The following NOLC1 variants were observed in gnomAD, a reference collection of about 807,000 sequenced individuals.
NOLC1 encodes the protein 140 kDa nucleolar phosphoprotein.
NOLC1 carries 37 observed loss-of-function variants against 73.4 expected under a neutral mutation model. That is an observed-to-expected ratio of 0.50 (90% confidence interval 0.39 to 0.66). The LOEUF (loss-of-function observed/expected upper bound fraction) is 0.66. NOLC1 is among the 30% of genes least tolerant of loss of function. The pLI is 0.00. For missense variants in NOLC1, 921 were observed against 838.9 expected (o/e 1.10, Z -1.21); for synonymous variants, 327 against 302.6 (o/e 1.08, Z -0.84).
intron 1 of NOLC1, among the ~76,000 whole-genome samples, chr10:102,156,397 C>G (rs2069594484): frequency 6.6e-6 from 1 of 151,436 alleles, no homozygotes; most frequent in South Asian, 2.1e-4. Flanking sequence ...CATGAGATAA[C>G]AGGCATAAGC....
In NOLC1 at chr10:102,152,485, C is replaced by T. The variant is rs1366493409; in HGVS notation, c.75C>T (p.Asn25=). The T allele has an allele frequency of 3.7e-6, 6 of 1,613,858 alleles. No individual in the cohort carries two copies. The highest frequency in any genetic ancestry group is 4.2e-6 in the Non-Finnish European group (5 of 1,180,048). ...YPLVLGFLRD[N]QLSEVANKFA... is the part of the protein sequence containing the mutation. ...TCGTGCTCGGCTTCCTGCGCGATAA[C>T]CAACTCTCAGAGGTGGCCAATAAGT... Residue 25 remains asparagine, a synonymous_variant, in exon 1 of 13, where the codon AAC becomes AAT. Transcript: ENST00000605788.
chr10:102,154,049 A>G (rs575084968), intron 1 of NOLC1, among the ~76,000 whole-genome samples: 1 of 148,736 alleles, frequency 6.7e-6, no homozygotes, highest in Non-Finnish European at 1.5e-5. Context: ...GTCAGATGCT[A>G]CGCCCTTCAC....
rs561638129 is a variant in NOLC1 at position 102,161,949 on chromosome 10, C to A, written c.1941+24C>A. On this transcript the variant is annotated intron_variant, in intron 12 of 12. Coordinates refer to ENST00000605788, the MANE Select transcript of NOLC1 (RefSeq NM_004741.5). The stretch of plus-strand genomic sequence containing the variant: ...AGGTGAGAGAGAGATCTGTGCCATT[C>A]TTGGGAGGGAGGATGGGTAGTGTCA... 6.2e-6 allele frequency: 10 copies of A among 1,611,092 alleles called. No homozygotes were observed. In the East Asian group the frequency reaches 1.3e-4, roughly 22 times the overall value.
At chr10:102,152,582 A>G (rs746907163) in intron 1 of NOLC1, 52 bp downstream of exon 1, 4 of 1,609,252 alleles carry the variant, frequency 2.5e-6, no homozygotes, top group Admixed American at 1.7e-5. Context: ...ACAAGGCTTC[A>G]GGCCCTGACG....
At chr10:102,157,352 TTGG>T in intron 3 of NOLC1, 24 bp downstream of exon 3, 1 of 1,613,462 alleles carries the variant, frequency 6.2e-7, no homozygotes, top group Non-Finnish European at 8.5e-7. Context: ...GCAGGTGGGC[TTGG>T]TGGTGCCAGG....
At position 102,159,427 on chromosome 10, in the gene NOLC1, A is replaced by T; in HGVS notation, c.724-6A>T. The T allele has an allele frequency of 6.2e-7, 1 of 1,614,136 alleles. No homozygotes were observed. The highest frequency in any genetic ancestry group is 8.5e-7 in the Non-Finnish European group (1 of 1,180,012). ...CCTGTGGTAATCAATTTTCTTTCTA[A>T]TGCAGACTGTACCTAAAAAGCAAGT... On this transcript the variant is annotated splice_polypyrimidine_tract_variant and splice_region_variant and intron_variant, in intron 6 of 12. Transcript: ENST00000605788.
chr10:102,152,500 G>C lies in NOLC1; in HGVS notation c.90G>C (p.Val30=). 1 of 1,613,878 alleles carries C rather than the reference G, an allele frequency of 6.2e-7. No individual in the cohort carries two copies. The highest frequency in any genetic ancestry group is 8.5e-7 in the Non-Finnish European group (1 of 1,180,042). The part of the protein sequence containing the change: ...GFLRDNQLSE[V]ANKFAKATGA... ...TGCGCGATAACCAACTCTCAGAGGTGGCCAATAAGTTCGCCAAAGCGACAG... is the reference window on the plus strand; with the variant it reads ...TGCGCGATAACCAACTCTCAGAGGTCGCCAATAAGTTCGCCAAAGCGACAG... Residue 30 remains valine, a synonymous_variant, in exon 1 of 13, where the codon GTG becomes GTC. Transcript: ENST00000605788.
chr10:102,155,271 C>T (rs11818183), intron 1 of NOLC1, among the ~76,000 whole-genome samples: 14,619 of 151,762 alleles, frequency 0.096, 1,028 homozygotes, highest in African/African-American at 0.2. Context: ...ATGATCCACC[C>T]GCCTCAGCCT....
chr10:102,161,035 G>C lies in NOLC1; in HGVS notation c.1683G>C (p.Lys561Asn), dbSNP rs761710184. 5.0e-6 allele frequency: 8 copies of C among 1,613,476 alleles called. No individual in the cohort carries two copies. In the Admixed American group the frequency reaches 1.2e-4, roughly 24 times the overall value. ...ALTAQNGKAA[K>N]NSEEEEEEKK... ...CTGCCCAGAATGGAAAAGCAGCTAA[G>C]AACAGTGAGGAGGAGGAAGAAGAAA... Residue 561 changes from lysine to asparagine, a missense_variant, in exon 10 of 13, where the codon AAG becomes AAC. Transcript: ENST00000605788.
chr10:102,160,736 G>C lies in NOLC1; in HGVS notation c.1384G>C (p.Ala462Pro), dbSNP rs778650739. Residue 462 changes from alanine to proline, a missense_variant, in exon 10 of 13, where the codon GCT (alanine) becomes CCT (proline). Physicochemically the swap from Ala to Pro is conservative, Grantham distance 27 (BLOSUM62 -1). Coordinates refer to ENST00000605788, the MANE Select transcript of NOLC1 (RefSeq NM_004741.5). ...KAALSLPAKQ[A>P]PQGSRDSSSD... ...AGCTCTATCTCTGCCTGCCAAGCAG[G>C]CTCCTCAGGGTAGTAGGGACAGCAG... The C allele has an allele frequency of 1.2e-6, 2 of 1,614,114 alleles. No homozygotes were observed. Among genetic ancestry groups the C allele is most frequent in the South Asian group, 1.1e-5 (1 of 91,088 alleles).
At chr10:102,161,737 G>A in intron 11 of NOLC1, 75 bp downstream of exon 11, 1 of 1,535,810 alleles carries the variant, frequency 6.5e-7, no homozygotes, top group Non-Finnish European at 9.0e-7. Context: ...TGACAGCTCT[G>A]CCTGGCGTGA....
At chr10:102,156,942 G>T (rs1451634476) in intron 1 of NOLC1, 77 bp from the exon 2 acceptor site, 3 of 1,328,674 alleles carry the variant, frequency 2.3e-6, no homozygotes, top group Non-Finnish European at 2.2e-6. Flanking sequence ...TAGTAATTAT[G>T]TATGTAACAG....
chr10:102,152,773 G>A (rs1003907705), intron 1 of NOLC1, among the ~76,000 whole-genome samples: 1 of 152,250 alleles, frequency 6.6e-6, no homozygotes, highest in African/African-American at 2.4e-5. Context: ...TGCAGCGGCG[G>A]CAGCGTGGGA....
rs756262840 is a variant in NOLC1 at position 102,160,959 on chromosome 10, A to T, written c.1607A>T (p.Lys536Met). The T allele has an allele frequency of 6.2e-7, 1 of 1,614,062 alleles. No individual in the cohort carries two copies. Among genetic ancestry groups the T allele is most frequent in the Non-Finnish European group, 8.5e-7 (1 of 1,180,036 alleles). Reference sequence around the variant, plus strand: ...GAAGAGGAAGAGAAGCTCAAGGGCAAGGGCTCTCCAAGACCACAAGCCCCC... The same window carrying T: ...GAAGAGGAAGAGAAGCTCAAGGGCATGGGCTCTCCAAGACCACAAGCCCCC... ...SEEEEEKLKG[K>M]GSPRPQAPKA... The change falls in exon 10 of 13, where the codon AAG becomes ATG. Residue 536 changes from lysine (K) to methionine (M), a missense_variant. Physicochemically the swap from Lys to Met is moderately conservative, Grantham distance 95. Coordinates refer to ENST00000605788, the MANE Select transcript of NOLC1 (RefSeq NM_004741.5).
intron 7 of NOLC1, 102 bp from the exon 8 acceptor site, chr10:102,159,794 A>G: frequency 8.0e-7 from 1 of 1,252,104 alleles, no homozygotes; most frequent in Non-Finnish European, 1.1e-6. Flanking sequence ...ATTCTGGCCC[A>G]TACTCAAGTG....
Position 102,159,885 on chromosome 10 carries a change from T to C in NOLC1, c.860-11T>C. ...ATATCCTAAAACCATCACACTATCC[T>C]TTTTAAACAGGTCCCTACAGTTCAG... On this transcript the variant is annotated splice_polypyrimidine_tract_variant and intron_variant, in intron 7 of 12. Coordinates refer to ENST00000605788, the MANE Select transcript of NOLC1 (RefSeq NM_004741.5). 1 of 1,542,702 alleles carries C rather than the reference T, an allele frequency of 6.5e-7. No homozygotes were observed. Among genetic ancestry groups the C allele is most frequent in the Non-Finnish European group, 8.7e-7 (1 of 1,147,040 alleles).
At chr10:102,154,045 T>C (rs1246017074) in intron 1 of NOLC1, among the ~76,000 whole-genome samples, 3 of 150,742 alleles carry the variant, frequency 2.0e-5, no homozygotes, top group Non-Finnish European at 4.4e-5. Context: ...AAGGGTCAGA[T>C]GCTACGCCCT....
Position 102,161,579 on chromosome 10 carries a change from A to T in NOLC1, c.1765A>T (p.Asn589Tyr). 6.2e-7 allele frequency: 1 copy of T among 1,614,010 alleles called. No individual in the cohort carries two copies. The part of the protein sequence containing the change: ...KSGSLKKRKQ[N>Y]EAAKEAETPQ... Reference sequence around the variant, plus strand: ...AGGTTCATTAAAGAAGCGGAAGCAGAATGAGGCTGCCAAGGAGGCAGAGAC... The same window carrying T: ...AGGTTCATTAAAGAAGCGGAAGCAGTATGAGGCTGCCAAGGAGGCAGAGAC... Residue 589 changes from asparagine to tyrosine, a missense_variant, in exon 11 of 13, where the codon AAT becomes TAT. Asn to Tyr is a moderately radical substitution (Grantham distance 143). Transcript: ENST00000605788.
chr10:102,161,485 G>C lies in NOLC1; in HGVS notation c.1742-71G>C, dbSNP rs561671944. The stretch of plus-strand genomic sequence containing the variant: ...GGGCTCAAGCGATCCTCCTACCTTG[G>C]ACTCCCAAAATGCTGGGGTTACAGT... On this transcript the variant is annotated intron_variant, in intron 10 of 12. Coordinates refer to ENST00000605788, the MANE Select transcript of NOLC1 (RefSeq NM_004741.5). The C allele has an allele frequency of 9.4e-5, 105 of 1,114,678 alleles. 2 individuals carry two copies. The South Asian group carries it at 1.4e-3, about 14-fold the overall frequency. The allele number at this position is 1,114,678 out of a possible 1,614,324, so 69.0% of individuals were successfully genotyped here.
Sources: allele counts gnomAD v4.1 joint callset (sites outside exome capture counted in the v4.1 genomes callset), GRCh38; gene constraint gnomAD v4.1.1; transcripts MANE v1.5; gene names NCBI Gene and HGNC (gene_info 2026-07-23, HGNC 2026-07-21).